ZNF468: variants seen among roughly 807,000 people sequenced by gnomAD.
The protein encoded by ZNF468 is zinc finger protein ZNF468.
ZNF468 carries 8 observed loss-of-function variants against 7.2 expected under a neutral mutation model. That is an observed-to-expected ratio of 1.11 (90% CI 0.65 to 2.01). The LOEUF (loss-of-function observed/expected upper bound fraction) is 2.01, where lower values mean the gene tolerates loss of function less well. Among genes scored for constraint, ZNF468 ranks in the 30% most tolerant of loss-of-function variants. The probability of loss-of-function intolerance (pLI) is 0.00; values close to 1 mark genes in which losing one functional copy is unlikely to be tolerated. For synonymous variants in ZNF468, 218 were observed against 214.4 expected, an observed-to-expected ratio of 1.02 and a Z score of -0.15; for missense variants, 608 against 626.5, an observed-to-expected ratio of 0.97 and a Z score of 0.31.
intron 2 of ZNF468, chr19:52,849,437 A>G: frequency 1.0e-6 from 1 of 952,420 alleles, no homozygotes; most frequent in Non-Finnish European, 1.5e-6. Flanking sequence ...TATGTTTGTG[A>G]AAAATAACAG....
intron 2 of ZNF468, among the ~76,000 whole-genome samples, chr19:52,852,735 G>A (rs1410828403): frequency 1.3e-5 from 2 of 151,978 alleles, no homozygotes; most frequent in Non-Finnish European, 2.9e-5. Context: ...ACTTGATACC[G>A]GAGTGATGAA....
In ZNF468 at chr19:52,840,102, G is replaced by T; in HGVS notation, c.*623C>A. 1.4e-6 allele frequency: 1 copy of T among 709,662 alleles called. No homozygotes were observed. Among genetic ancestry groups the T allele is most frequent in the Non-Finnish European group, 2.2e-6 (1 of 464,926 alleles). 44.0% of individuals were successfully genotyped at this position (709,662 alleles called of 1,614,324 possible). On this transcript the variant is annotated 3_prime_UTR_variant, in exon 4 of 4. Transcript: ENST00000595646. The stretch of plus-strand genomic sequence containing the variant: ...CGTGTGAATCATTCCCGAAAGCCTT[G>T]TCACAAACCTTACATTTCTATGGCT...
At position 52,838,555 on chromosome 19, in the gene ZNF468, T is replaced by G. The variant is rs910584754; in HGVS notation, c.*2170A>C. The G allele has an allele frequency of 6.6e-6, 1 of 152,208 alleles. No individual in the cohort carries two copies. Among genetic ancestry groups the G allele is most frequent in the African/African-American group, 2.4e-5 (1 of 41,456 alleles). 9.4% of individuals were successfully genotyped at this position (152,208 alleles called of 1,614,324 possible). A position where few individuals can be genotyped will look rare whatever the true frequency, so the allele number is the denominator to read the frequency against. On this transcript the variant is annotated 3_prime_UTR_variant, in exon 4 of 4. Transcript: ENST00000595646. ...AATCAGAAAGAAAGAAGTCAAATTTTATTTGTTTGTAGATGACATGACCTT... is the reference window on the plus strand; with the variant it reads ...AATCAGAAAGAAAGAAGTCAAATTTGATTTGTTTGTAGATGACATGACCTT...
intron 2 of ZNF468, 134 bp downstream of exon 2, chr19:52,854,124 G>A (rs1489950555): frequency 6.3e-7 from 1 of 1,583,394 alleles, no homozygotes; most frequent in Non-Finnish European, 8.6e-7. Context: ...GAGATGAGAG[G>A]GACTGAAGGA....
intron 3 of ZNF468, among the ~76,000 whole-genome samples, chr19:52,843,999 G>A (rs771638605): frequency 6.6e-6 from 1 of 152,162 alleles, no homozygotes; most frequent in African/African-American, 2.4e-5. Context: ...GAAGACGCCT[G>A]TAATCCCAGC....
Position 52,839,870 on chromosome 19 carries a change from G to GT in ZNF468, c.*854dup. 1 of 725,734 alleles carries GT rather than the reference G, an allele frequency of 1.4e-6. No individual in the cohort carries two copies. The highest frequency in any genetic ancestry group is 2.2e-6 in the Non-Finnish European group (1 of 447,552). The allele number at this position is 725,734 out of a possible 1,614,324, so 45.0% of individuals were successfully genotyped here. ...AAAATTTGCCACATTTATTACACTT[G>GT]TAAGATCTCTTCACTGTGGATTCTC... On this transcript the variant is annotated 3_prime_UTR_variant, in exon 4 of 4. Transcript: ENST00000595646.
intron 1 of ZNF468, among the ~76,000 whole-genome samples, chr19:52,856,578 T>C (rs1365274429): frequency 2.7e-5 from 4 of 147,280 alleles, no homozygotes; most frequent in Non-Finnish European, 1.5e-5. Context: ...CCCGCTGTGC[T>C]TCTCCCTCTG....
At chr19:52,849,341 G>T in intron 2 of ZNF468, 128 bp from the exon 3 acceptor site, 5 of 1,538,686 alleles carry the variant, frequency 3.2e-6, no homozygotes, top group Admixed American at 1.9e-5. Flanking sequence ...TCCAAATAAG[G>T]GATTTCTCAC....
chr19:52,854,162 T>C, intron 2 of ZNF468, 96 bp downstream of exon 2: 1 of 1,605,464 alleles, frequency 6.2e-7, no homozygotes, highest in Non-Finnish European at 8.5e-7. Context: ...AGCAAACATG[T>C]CAGGCAGGTC....
chr19:52,854,304 T>C lies in ZNF468; in HGVS notation c.-32A>G, dbSNP rs749985083. The C allele has an allele frequency of 2.5e-6, 4 of 1,613,610 alleles. No individual in the cohort carries two copies. The highest frequency in any genetic ancestry group is 1.1e-5 in the South Asian group (1 of 91,066). ...CTCCTTTGCTTTCCTCTTCCTCTTC[T>C]GGGTTTCTTTCTCACGTACCAACAG... On this transcript the variant is annotated 5_prime_UTR_variant, in exon 2 of 4. Transcript: ENST00000595646.
At chr19:52,842,555 C>G (rs2063313169) in intron 3 of ZNF468, among the ~76,000 whole-genome samples, 1 of 148,140 alleles carries the variant, frequency 6.8e-6, no homozygotes, top group Admixed American at 6.7e-5. Context: ...ACACAATATA[C>G]TATATTGGTA....
chr19:52,840,866 G>A lies in ZNF468; in HGVS notation c.1428C>T (p.Phe476=), dbSNP rs1249280358. 52 of 1,613,336 alleles carry A rather than the reference G, an allele frequency of 3.2e-5. No homozygotes were observed. The highest frequency in any genetic ancestry group is 2.2e-4 in the East Asian group (10 of 44,810). ...GGATTATAAGCGATGATGTCTGACC[G>A]AAGGTCTTGCCACACTCATTACACT... The part of the protein sequence containing the change: ...PYKCNECGKT[F]GQTSSLIIHR... Residue 476 remains phenylalanine, a synonymous_variant, in exon 4 of 4, where the codon TTC becomes TTT. Transcript: ENST00000595646.
chr19:52,848,688 T>C (rs148512754), intron 3 of ZNF468, among the ~76,000 whole-genome samples: 4 of 152,064 alleles, frequency 2.6e-5, no homozygotes, highest in Non-Finnish European at 5.9e-5. Flanking sequence ...GGAGCTGGGA[T>C]TACACGTACG....
In ZNF468 at chr19:52,856,671, A is replaced by G. The variant is rs371949728; in HGVS notation, c.-74+901T>C. Among the ~76,000 whole-genome samples, 15 of 143,798 alleles carry G rather than the reference A, an allele frequency of 1.0e-4. No homozygotes were observed. In the South Asian group the frequency reaches 1.2e-3, roughly 12 times the overall value. The allele number at this position is 143,798 out of a possible 152,430, so 94.3% of individuals were successfully genotyped here. On this transcript the variant is annotated intron_variant, in intron 1 of 3. Transcript: ENST00000595646. ...CTCTCCCTCACTCTGATGAGCCTCC[A>G]CATTTCTGCCCCTCTCCCTACCTTG...
intron 2 of ZNF468, among the ~76,000 whole-genome samples, chr19:52,852,428 C>T (rs752973083): frequency 7.2e-5 from 11 of 152,208 alleles, no homozygotes; most frequent in Non-Finnish European, 1.5e-4. Context: ...GTAATCTCAA[C>T]ACTTTTGGAG....
intron 3 of ZNF468, among the ~76,000 whole-genome samples, chr19:52,847,737 A>G (rs2063352406): frequency 6.6e-6 from 1 of 150,988 alleles, no homozygotes; most frequent in Non-Finnish European, 1.5e-5. Context: ...GCACATCCAG[A>G]CACAGTACCT....
intron 3 of ZNF468, among the ~76,000 whole-genome samples, chr19:52,842,841 A>AAAG (rs2063315919): frequency 7.3e-6 from 1 of 136,246 alleles, no homozygotes; most frequent in African/African-American, 2.8e-5. Flanking sequence ...AAAAAAAAAA[A>AAAG]GACATGGCAT....
At chr19:52,849,884 C>T (rs1234625729) in intron 2 of ZNF468, among the ~76,000 whole-genome samples, 1 of 151,938 alleles carries the variant, frequency 6.6e-6, no homozygotes, top group African/African-American at 2.4e-5. Flanking sequence ...GCCTGGGCAA[C>T]AAAGCAAGAC....
intron 3 of ZNF468, among the ~76,000 whole-genome samples, chr19:52,844,214 G>C (rs1234772237): frequency 1.3e-5 from 2 of 152,158 alleles, no homozygotes; most frequent in African/African-American, 4.8e-5. Context: ...CAGACATTGA[G>C]AGAATTTAGT....
Sources: gnomAD v4.1 joint callset for allele counts (sites outside exome capture counted in the v4.1 genomes callset) on GRCh38, gnomAD v4.1.1 for gene constraint, MANE v1.5 for transcripts, NCBI Gene and HGNC (gene_info 2026-07-23, HGNC 2026-07-21) for gene names.